The following CFAP299 variants were observed in gnomAD, a reference collection of about 807,000 sequenced individuals.
CFAP299 encodes cilia- and flagella-associated protein 299.
A neutral mutation model predicts 27.0 loss-of-function variants in CFAP299; 21 were observed. That is an observed-to-expected ratio of 0.78 (90% confidence interval 0.55 to 1.12). The LOEUF (loss-of-function observed/expected upper bound fraction) is 1.12. CFAP299 is among the 50% of genes most tolerant of loss of function. The pLI is 0.00. For synonymous variants in CFAP299, 104 were observed against 98.1 expected (o/e 1.06, Z -0.36); for missense variants, 310 against 276.6 (o/e 1.12, Z -0.86).
intron 3 of CFAP299, among the ~76,000 whole-genome samples, chr4:80,831,455 A>C (rs1185588810): frequency 6.6e-6 from 1 of 152,090 alleles, no homozygotes; most frequent in Non-Finnish European, 1.5e-5. Context: ...TAAACTTCCC[A>C]ACGAGGCCAA....
chr4:80,379,801 T>C (rs1204730509), intron 2 of CFAP299, among the ~76,000 whole-genome samples: 1 of 152,128 alleles, frequency 6.6e-6, no homozygotes, highest in Admixed American at 6.5e-5. Flanking sequence ...TATTGACATT[T>C]ACTTTATCTC....
intron 2 of CFAP299, among the ~76,000 whole-genome samples, chr4:80,491,594 A>G (rs1404939640): frequency 6.6e-6 from 1 of 152,122 alleles, no homozygotes; most frequent in East Asian, 1.9e-4. Context: ...CAAATGGTTT[A>G]GGTTAATGTT....
At chr4:80,750,683 G>A (rs1020910672) in intron 3 of CFAP299, among the ~76,000 whole-genome samples, 2 of 152,190 alleles carry the variant, frequency 1.3e-5, no homozygotes, top group African/African-American at 4.8e-5. Flanking sequence ...GAACTACCCT[G>A]TTAATGTCCT....
chr4:80,783,602 A>T (rs1303525885), intron 3 of CFAP299, among the ~76,000 whole-genome samples: 1 of 152,206 alleles, frequency 6.6e-6, no homozygotes, highest in Non-Finnish European at 1.5e-5. Context: ...TTTTAAAACT[A>T]TAACAAATAT....
intron 3 of CFAP299, among the ~76,000 whole-genome samples, chr4:80,850,799 T>C (rs1342986202): frequency 2.0e-5 from 3 of 152,104 alleles, no homozygotes; most frequent in Admixed American, 1.3e-4. Flanking sequence ...AAAGTAGTTA[T>C]GATAGTTCAA....
At chr4:80,350,532 C>T (rs551019381) in intron 1 of CFAP299, among the ~76,000 whole-genome samples, 1 of 152,228 alleles carries the variant, frequency 6.6e-6, no homozygotes, top group African/African-American at 2.4e-5. Flanking sequence ...TTGGAACAAA[C>T]CCAAATGCCA....
intron 3 of CFAP299, among the ~76,000 whole-genome samples, chr4:80,663,934 T>G (rs2109984830): frequency 6.6e-6 from 1 of 152,344 alleles, no homozygotes; most frequent in East Asian, 1.9e-4. Context: ...TAATGTCTTC[T>G]TTTGAGAAGT....
chr4:80,799,467 A>G (rs1645852057), intron 3 of CFAP299, among the ~76,000 whole-genome samples: 1 of 83,658 alleles, frequency 1.2e-5, no homozygotes, highest in Non-Finnish European at 2.1e-5. Context: ...AATATATTTT[A>G]TAAATATATA....
upstream of CFAP299, among the ~76,000 whole-genome samples, chr4:80,333,761 T>C (rs1722024227): frequency 6.6e-6 from 1 of 152,218 alleles, no homozygotes; most frequent in Non-Finnish European, 1.5e-5. Context: ...GGATCGGTGC[T>C]AAATTCCAGG....
chr4:80,763,910 A>G (rs1725692495), intron 3 of CFAP299, among the ~76,000 whole-genome samples: 3 of 152,340 alleles, frequency 2.0e-5, no homozygotes, highest in African/African-American at 7.2e-5. Flanking sequence ...CATATGCAGA[A>G]AACTGAAACT....
chr4:80,571,957 A>C (rs908205238), intron 2 of CFAP299, among the ~76,000 whole-genome samples: 3 of 152,202 alleles, frequency 2.0e-5, no homozygotes, highest in Admixed American at 6.5e-5. Flanking sequence ...GCAAATACAC[A>C]ATGATACATT....
intron 3 of CFAP299, among the ~76,000 whole-genome samples, chr4:80,591,839 C>A (rs1429513218): frequency 6.6e-6 from 1 of 152,158 alleles, no homozygotes; most frequent in African/African-American, 2.4e-5. Flanking sequence ...GCTTAGAGTT[C>A]AATTTGTGGT....
chr4:80,677,900 C>T (rs1256113296), intron 3 of CFAP299, among the ~76,000 whole-genome samples: 3 of 152,010 alleles, frequency 2.0e-5, no homozygotes. Flanking sequence ...GCATTTCAAG[C>T]CAAAATTGTT....
intron 2 of CFAP299, among the ~76,000 whole-genome samples, chr4:80,369,634 A>T (rs1446499102): frequency 6.6e-6 from 1 of 152,172 alleles, no homozygotes; most frequent in Admixed American, 6.5e-5. Context: ...TTTGCTGATC[A>T]GCATCAGTTA....
At chr4:80,909,443 T>C (rs944188605) in intron 4 of CFAP299, among the ~76,000 whole-genome samples, 1 of 152,072 alleles carries the variant, frequency 6.6e-6, no homozygotes, top group African/African-American at 2.4e-5. Context: ...TAGTATCTTA[T>C]GATTATAAAA....
At chr4:80,928,699 C>A (rs1480815736) in intron 4 of CFAP299, among the ~76,000 whole-genome samples, 2 of 151,840 alleles carry the variant, frequency 1.3e-5, no homozygotes, top group Non-Finnish European at 2.9e-5. Context: ...TCTTATAATT[C>A]CAGTACTAAC....
chr4:80,721,430 C>T (rs1359346596), intron 3 of CFAP299, among the ~76,000 whole-genome samples: 3 of 152,134 alleles, frequency 2.0e-5, no homozygotes, highest in Non-Finnish European at 4.4e-5. Flanking sequence ...TGGCTTGTAT[C>T]CCATGTCTTA....
chr4:80,458,914 A>G (rs1034058727), intron 2 of CFAP299, among the ~76,000 whole-genome samples: 8 of 152,188 alleles, frequency 5.3e-5, no homozygotes, highest in Non-Finnish European at 8.8e-5. Flanking sequence ...AAAACCAGGC[A>G]GCAAGCCTGG....
At chr4:80,827,129 A>G (rs1219373859) in intron 3 of CFAP299, among the ~76,000 whole-genome samples, 1 of 151,856 alleles carries the variant, frequency 6.6e-6, no homozygotes, top group Admixed American at 6.6e-5. Context: ...AAAAGAAAAC[A>G]AACCAAAGGA....
Sources: allele counts gnomAD v4.1 joint callset (sites outside exome capture counted in the v4.1 genomes callset), GRCh38; gene constraint gnomAD v4.1.1; transcripts MANE v1.5; gene names NCBI Gene and HGNC (gene_info 2026-07-23, HGNC 2026-07-21).